RIT2: variants seen among roughly 807,000 people sequenced by gnomAD.
The protein encoded by RIT2 is GTP-binding protein Rit2.
A neutral mutation model predicts 23.7 loss-of-function variants in RIT2; 24 were observed. That is an observed-to-expected ratio of 1.01 (90% CI 0.73 to 1.43). RIT2 has a LOEUF of 1.43. Among genes scored for constraint, RIT2 ranks in the 40% most tolerant of loss-of-function variants. The pLI, the probability that RIT2 is intolerant of heterozygous loss-of-function variation, is 0.00. For missense variants in RIT2, 236 were observed against 266.9 expected, an observed-to-expected ratio of 0.88 and a Z score of 0.81; for synonymous variants, 107 against 91.1, an observed-to-expected ratio of 1.17 and a Z score of -0.99.
At chr18:42,788,099 G>C (rs1352250705) in intron 4 of RIT2, among the ~76,000 whole-genome samples, 1 of 151,590 alleles carries the variant, frequency 6.6e-6, no homozygotes, top group Non-Finnish European at 1.5e-5. Flanking sequence ...AATAACTTTT[G>C]AAAAAAGTAA....
intron 1 of RIT2, among the ~76,000 whole-genome samples, chr18:43,070,286 G>T (rs956802533): frequency 6.6e-6 from 1 of 152,130 alleles, no homozygotes; most frequent in Non-Finnish European, 1.5e-5. Flanking sequence ...GGACCTGAAA[G>T]CTTAAGAATG....
chr18:43,048,611 CCAGA>C (rs1436567229), intron 1 of RIT2, among the ~76,000 whole-genome samples: 1 of 152,078 alleles, frequency 6.6e-6, no homozygotes, highest in Admixed American at 6.6e-5. Flanking sequence ...AAACTAGTGA[CCAGA>C]CAATCGTAAG....
At chr18:43,050,540 A>G (rs1912355152) in intron 1 of RIT2, among the ~76,000 whole-genome samples, 1 of 152,062 alleles carries the variant, frequency 6.6e-6, no homozygotes, top group African/African-American at 2.4e-5. Flanking sequence ...TTCCTGGTTC[A>G]TAACTCCCAT....
At chr18:42,868,617 T>A (rs1907534987) in intron 4 of RIT2, among the ~76,000 whole-genome samples, 1 of 152,232 alleles carries the variant, frequency 6.6e-6, no homozygotes, top group South Asian at 2.1e-4. Flanking sequence ...AATAAATACT[T>A]GTTAAATAAT....
intron 1 of RIT2, among the ~76,000 whole-genome samples, chr18:43,111,125 G>T (rs1436935909): frequency 8.5e-5 from 13 of 152,116 alleles, no homozygotes; most frequent in Non-Finnish European, 1.9e-4. Context: ...CTATATAAAA[G>T]AATGAGATCC....
intron 3 of RIT2, among the ~76,000 whole-genome samples, chr18:42,932,323 A>G (rs1180538491): frequency 1.4e-4 from 22 of 152,102 alleles, no homozygotes; most frequent in Admixed American, 1.4e-3. Context: ...CAATCAATCC[A>G]TCAATGGGGG....
chr18:43,070,397 A>G (rs1168172656), intron 1 of RIT2, among the ~76,000 whole-genome samples: 1 of 152,218 alleles, frequency 6.6e-6, no homozygotes, highest in Non-Finnish European at 1.5e-5. Flanking sequence ...CTTCATTTAT[A>G]TTAATGGCAA....
At chr18:42,849,344 T>C (rs138926347) in intron 4 of RIT2, among the ~76,000 whole-genome samples, 67 of 152,332 alleles carry the variant, frequency 4.4e-4, no homozygotes, top group South Asian at 8.3e-4. Context: ...TGATTTAGTG[T>C]CTGTGTTTGC....
In RIT2 at chr18:42,868,857, T is replaced by C. The variant is rs145765146; in HGVS notation, c.426+54715A>G. ...AATCAGGAACCTCAATGGCCTTTTT[T>C]TCCCCAGCCTTTCTCCTAATTTAGT... On this transcript the variant is annotated intron_variant, in intron 4 of 4. Coordinates refer to ENST00000326695, the MANE Select transcript of RIT2 (RefSeq NM_002930.4). Among the ~76,000 whole-genome samples the C allele has an allele frequency of 2.6e-4, 40 of 152,308 alleles. No homozygotes were observed. In the East Asian group the frequency reaches 4.6e-3, roughly 18 times the overall value.
At chr18:42,792,221 T>TAGGGAA (rs1382502168) in intron 4 of RIT2, among the ~76,000 whole-genome samples, 1 of 152,178 alleles carries the variant, frequency 6.6e-6, no homozygotes, top group East Asian at 1.9e-4. Context: ...CTCCCCCACT[T>TAGGGAA]TTTTCCTCTC....
intron 4 of RIT2, among the ~76,000 whole-genome samples, chr18:42,902,140 T>C (rs1011419753): frequency 3.3e-5 from 5 of 151,854 alleles, no homozygotes; most frequent in Admixed American, 1.3e-4. Flanking sequence ...AAAATATAAA[T>C]ATCATTCATA....
intron 4 of RIT2, among the ~76,000 whole-genome samples, chr18:42,899,988 A>G (rs1204659517): frequency 6.6e-6 from 1 of 152,124 alleles, no homozygotes; most frequent in Admixed American, 6.6e-5. Flanking sequence ...GTACAAAACT[A>G]CATAATTTAA....
At chr18:42,827,152 T>C (rs1906319071) in intron 4 of RIT2, among the ~76,000 whole-genome samples, 1 of 152,152 alleles carries the variant, frequency 6.6e-6, no homozygotes. Context: ...CATACAGTAT[T>C]TGTGCAAGAA....
At chr18:43,059,010 TC>T (rs36103452) in intron 1 of RIT2, among the ~76,000 whole-genome samples, 60,762 of 151,948 alleles carry the variant, frequency 0.4, 14,763 homozygotes, top group Non-Finnish European at 0.56. Context: ...TAGCTGCTCT[TC>T]CCTACTGGCC....
intron 3 of RIT2, among the ~76,000 whole-genome samples, chr18:42,934,023 GA>G (rs1353787470): frequency 7.4e-3 from 250 of 33,632 alleles, no homozygotes; most frequent in Middle Eastern, 0.029. Flanking sequence ...TCTCACAGAA[GA>G]AAAAAAAAAA....
At chr18:42,763,947 C>T (rs879540130) in intron 4 of RIT2, among the ~76,000 whole-genome samples, 3 of 152,084 alleles carry the variant, frequency 2.0e-5, no homozygotes, top group Non-Finnish European at 4.4e-5. Context: ...AATTTTTTGG[C>T]TTCACTATAA....
At chr18:42,927,713 A>G (rs28580425) in intron 3 of RIT2, among the ~76,000 whole-genome samples, 2,668 of 152,080 alleles carry the variant, frequency 0.018, 101 homozygotes, top group African/African-American at 0.061. Context: ...TATTTATGAA[A>G]CAGACCCTTT....
At chr18:43,030,155 A>G (rs1323521486) in intron 2 of RIT2, among the ~76,000 whole-genome samples, 1 of 152,094 alleles carries the variant, frequency 6.6e-6, no homozygotes, top group Non-Finnish European at 1.5e-5. Flanking sequence ...TTATCTAAAC[A>G]ATTATTTAAT....
chr18:42,815,754 T>C (rs568047621), intron 4 of RIT2, among the ~76,000 whole-genome samples: 2 of 152,158 alleles, frequency 1.3e-5, no homozygotes, highest in Non-Finnish European at 2.9e-5. Context: ...AAACGTACTT[T>C]TTAGAAAGTT....
Sources: gnomAD v4.1 joint callset for allele counts (sites outside exome capture counted in the v4.1 genomes callset) on GRCh38, gnomAD v4.1.1 for gene constraint, MANE v1.5 for transcripts, NCBI Gene and HGNC (gene_info 2026-07-23, HGNC 2026-07-21) for gene names.